Variants in RHBDD2 observed in about 807,000 individuals in gnomAD.
RHBDD2 encodes the protein rhomboid domain containing 2, also known as rhomboid domain-containing protein 2.
RHBDD2 carries 13 observed loss-of-function variants against 21.7 expected under a neutral mutation model. That is an observed-to-expected ratio of 0.60 (90% confidence interval 0.39 to 0.95). RHBDD2 has a LOEUF of 0.95. Ranked by LOEUF, RHBDD2 falls within the 40% of genes least tolerant of loss-of-function variation. The pLI is 0.00. For missense variants in RHBDD2, 473 were observed against 478.9 expected, an observed-to-expected ratio of 0.99 and a Z score of 0.11; for synonymous variants, 225 against 220.0, an observed-to-expected ratio of 1.02 and a Z score of -0.20.
rs1554541907 is a variant in RHBDD2 at position 75,879,063 on chromosome 7, G to A, written c.-20G>A. Reference sequence around the variant, plus strand: ...GACCGGCAGCCGGCGTCGAGGCGGGGCGCGGGAACGACGGCGGCCATGGCG... The same window carrying A: ...GACCGGCAGCCGGCGTCGAGGCGGGACGCGGGAACGACGGCGGCCATGGCG... On this transcript the variant is annotated 5_prime_UTR_variant, in exon 1 of 4. Coordinates refer to ENST00000006777, the MANE Select transcript of RHBDD2 (RefSeq NM_001040456.3). 1 of 1,365,886 alleles carries A rather than the reference G, an allele frequency of 7.3e-7. No individual in the cohort carries two copies. Among genetic ancestry groups the A allele is most frequent in the Non-Finnish European group, 9.5e-7 (1 of 1,055,734 alleles). 84.6% of individuals were successfully genotyped at this position (1,365,886 alleles called of 1,614,324 possible).
At chr7:75,887,869 G>GAGCAAGTCAC in intron 3 of RHBDD2, 123 bp from the exon 4 acceptor site, 1 of 830,404 alleles carries the variant, frequency 1.2e-6, no homozygotes, top group East Asian at 2.4e-5. Flanking sequence ...TTGGTACTTA[G>GAGCAAGTCAC]AGCAAGTCAC....
rs1554544597 is a variant in RHBDD2, at chr7:75,888,407, C to T, written c.*58C>T. 2 of 1,409,448 alleles carry T rather than the reference C, an allele frequency of 1.4e-6. No individual in the cohort carries two copies. The highest frequency in any genetic ancestry group is 1.2e-5 in the South Asian group (1 of 83,220). The allele number at this position is 1,409,448 out of a possible 1,614,324, so 87.3% of individuals were successfully genotyped here. ...TTCTGAAGGTCCTCCCTAAGAGTCTCCTGACAAAAGTTACTTATTGAACAC... is the reference window on the plus strand; with the variant it reads ...TTCTGAAGGTCCTCCCTAAGAGTCTTCTGACAAAAGTTACTTATTGAACAC... On this transcript the variant is annotated 3_prime_UTR_variant, in exon 4 of 4. Coordinates refer to ENST00000006777, the MANE Select transcript of RHBDD2 (RefSeq NM_001040456.3).
At position 75,888,247 on chromosome 7, in the gene RHBDD2, G is replaced by GC. The variant is rs1554544494; in HGVS notation, c.999dup (p.Thr334HisfsTer45). 1.9e-6 allele frequency: 3 copies of GC among 1,613,740 alleles called. No individual in the cohort carries two copies. The highest frequency in any genetic ancestry group is 1.7e-6 in the Non-Finnish European group (2 of 1,180,036). On this transcript the variant is annotated frameshift_variant, in exon 4 of 4. Transcript: ENST00000006777. LOFTEE classifies it low-confidence loss of function (END_TRUNC). Reference sequence around the variant, plus strand: ...CTGCGGGCACCTCCCTGGGCATCCAGCCCCCCACGCCTGTGAACAGCCCTG... The same window carrying GC: ...CTGCGGGCACCTCCCTGGGCATCCAGCCCCCCCACGCCTGTGAACAGCCCTG...
In RHBDD2 at chr7:75,888,393, C is replaced by T; in HGVS notation, c.*44C>T. 1.3e-6 allele frequency: 2 copies of T among 1,502,208 alleles called. No homozygotes were observed. Among genetic ancestry groups the T allele is most frequent in the Non-Finnish European group, 1.8e-6 (2 of 1,093,986 alleles). The allele number at this position is 1,502,208 out of a possible 1,614,324, so 93.1% of individuals were successfully genotyped here. ...CATCTCACTTGGCCTTCTGAAGGTC[C>T]TCCCTAAGAGTCTCCTGACAAAAGT... is the stretch of plus-strand genomic sequence containing the variant. On this transcript the variant is annotated 3_prime_UTR_variant, in exon 4 of 4. Coordinates refer to ENST00000006777, the MANE Select transcript of RHBDD2 (RefSeq NM_001040456.3).
Position 75,888,665 on chromosome 7 carries a change from T to C in RHBDD2, c.*316T>C. On this transcript the variant is annotated 3_prime_UTR_variant, in exon 4 of 4. Coordinates refer to ENST00000006777, the MANE Select transcript of RHBDD2 (RefSeq NM_001040456.3). ...GCAGTTGGCAGTAGCTGCCGATGTC[T>C]GTCCCCAGCTCCACCATTCCTCCCT... 1 of 361,432 alleles carries C rather than the reference T, an allele frequency of 2.8e-6. No homozygotes were observed. 22.4% of individuals were successfully genotyped at this position (361,432 alleles called of 1,614,324 possible).
chr7:75,884,263 C>T (rs1805518049), intron 3 of RHBDD2, among the ~76,000 whole-genome samples: 1 of 152,002 alleles, frequency 6.6e-6, no homozygotes, highest in South Asian at 2.1e-4. Flanking sequence ...GCCCTGTTGC[C>T]CAGGCTGGAT....
At position 75,879,289 on chromosome 7, in the gene RHBDD2, G is replaced by A. The variant is rs891846960; in HGVS notation, c.178+29G>A. The A allele has an allele frequency of 1.4e-5, 20 of 1,447,122 alleles. No individual in the cohort carries two copies. In the African/African-American group the frequency reaches 2.8e-4, roughly 20 times the overall value. The allele number at this position is 1,447,122 out of a possible 1,614,324, so 89.6% of individuals were successfully genotyped here. On this transcript the variant is annotated intron_variant, in intron 1 of 3. Transcript: ENST00000006777. Reference sequence around the variant, plus strand: ...AGCAGGGGCGGGCCGGGATCGCGGGGCGAGTCCTTGTCCTCCGACTTTGCC... The same window carrying A: ...AGCAGGGGCGGGCCGGGATCGCGGGACGAGTCCTTGTCCTCCGACTTTGCC...
intron 3 of RHBDD2, among the ~76,000 whole-genome samples, chr7:75,885,754 CAG>C (rs1297682037): frequency 2.0e-5 from 3 of 152,244 alleles, no homozygotes; most frequent in Non-Finnish European, 4.4e-5. Context: ...TACCTAAACT[CAG>C]AGGGAGAACT....
intron 3 of RHBDD2, among the ~76,000 whole-genome samples, chr7:75,887,232 G>A (rs1272918811): frequency 6.7e-6 from 1 of 149,406 alleles, no homozygotes; most frequent in Non-Finnish European, 1.5e-5. Flanking sequence ...CAAACTTCTG[G>A]GTTTAAGCAG....
chr7:75,885,803 G>A (rs1255843912), intron 3 of RHBDD2, among the ~76,000 whole-genome samples: 1 of 152,084 alleles, frequency 6.6e-6, no homozygotes, highest in East Asian at 1.9e-4. Flanking sequence ...ACTCACGCAA[G>A]GTCTGCCCCC....
At chr7:75,883,521 A>G (rs1805455021) in intron 2 of RHBDD2, 177 bp from the exon 3 acceptor site, 1 of 544,612 alleles carries the variant, frequency 1.8e-6, no homozygotes, top group Middle Eastern at 5.4e-4. Flanking sequence ...TCCATCTCAA[A>G]AAAAAAAACA....
intron 1 of RHBDD2, among the ~76,000 whole-genome samples, chr7:75,880,064 C>T (rs975522839): frequency 1.3e-5 from 2 of 152,072 alleles, no homozygotes; most frequent in African/African-American, 2.4e-5. Flanking sequence ...GGCCCGTTAT[C>T]TAGATAAGAT....
rs918050176 is a variant in RHBDD2 at position 75,888,598 on chromosome 7, G to A, written c.*249G>A. The A allele has an allele frequency of 2.6e-5, 13 of 493,242 alleles. 1 individual carries two copies. Among genetic ancestry groups the A allele is most frequent in the East Asian group, 1.3e-4 (4 of 30,788 alleles). The allele number at this position is 493,242 out of a possible 1,614,324, so 30.6% of individuals were successfully genotyped here. ...AAGTCACGTGGCTCTTTAGTAACAC[G>A]GACAAGGCTCCTCGCCAAGGAACTC... is the stretch of plus-strand genomic sequence containing the variant. On this transcript the variant is annotated 3_prime_UTR_variant, in exon 4 of 4. Coordinates refer to ENST00000006777, the MANE Select transcript of RHBDD2 (RefSeq NM_001040456.3).
Position 75,879,166 on chromosome 7 carries a change from G to A in RHBDD2, c.84G>A (p.Ser28=). The A allele has an allele frequency of 6.6e-7, 1 of 1,506,560 alleles. No individual in the cohort carries two copies. Among genetic ancestry groups the A allele is most frequent in the African/African-American group, 1.4e-5 (1 of 69,200 alleles). The allele number at this position is 1,506,560 out of a possible 1,614,324, so 93.3% of individuals were successfully genotyped here. The stretch of plus-strand genomic sequence containing the variant: ...CCACCTTCTTCACTGCGCTGCTCTC[G>A]CTGCTGGTTTCCGGGCCTCGCCTGT... ...PSATFFTALL[S]LLVSGPRLFL... Residue 28 remains serine, a synonymous_variant, in exon 1 of 4, where the codon TCG becomes TCA. Coordinates refer to ENST00000006777, the MANE Select transcript of RHBDD2 (RefSeq NM_001040456.3).
At chr7:75,887,448 G>C (rs1554544170) in intron 3 of RHBDD2, among the ~76,000 whole-genome samples, 2 of 150,832 alleles carry the variant, frequency 1.3e-5, no homozygotes, top group African/African-American at 2.4e-5. Flanking sequence ...CTTCTGAGTA[G>C]CTGGGACTAC....
At chr7:75,887,405 C>T (rs1301681406) in intron 3 of RHBDD2, among the ~76,000 whole-genome samples, 1 of 151,508 alleles carries the variant, frequency 6.6e-6, no homozygotes, top group Non-Finnish European at 1.5e-5. Flanking sequence ...GCAACCTCTG[C>T]CTCCCAGGTT....
At chr7:75,881,456 C>A (rs1563375693) in intron 1 of RHBDD2, 1 of 1,300,312 alleles carries the variant, frequency 7.7e-7, no homozygotes, top group Non-Finnish European at 1.0e-6. Context: ...GAAGCTGTTA[C>A]ACTTAATTAA....
chr7:75,887,806 C>A (rs576404985), intron 3 of RHBDD2, among the ~76,000 whole-genome samples, 186 bp from the exon 4 acceptor site: 2 of 152,232 alleles, frequency 1.3e-5, no homozygotes, highest in Non-Finnish European at 2.9e-5. Flanking sequence ...CAACTGGCCC[C>A]ACCCTCCCTG....
Position 75,879,145 on chromosome 7 carries a change from C to G in RHBDD2, c.63C>G (p.Thr21=). ...TGTGTCCCGAGGTGCCATCCGCCAC[C>G]TTCTTCACTGCGCTGCTCTCGCTGC... ...WCLCPEVPSA[T]FFTALLSLLV... is the part of the protein sequence containing the mutation. Residue 21 remains threonine, a synonymous_variant, in exon 1 of 4, where the codon ACC becomes ACG. Transcript: ENST00000006777. 6.8e-7 allele frequency: 1 copy of G among 1,465,316 alleles called. No individual in the cohort carries two copies. The highest frequency in any genetic ancestry group is 9.1e-7 in the Non-Finnish European group (1 of 1,102,002). 90.8% of individuals were successfully genotyped at this position (1,465,316 alleles called of 1,614,324 possible). A position where few individuals can be genotyped will look rare whatever the true frequency, so the allele number is the denominator to read the frequency against.
Sources: allele counts gnomAD v4.1 joint callset (sites outside exome capture counted in the v4.1 genomes callset), GRCh38; gene constraint gnomAD v4.1.1; transcripts MANE v1.5; gene names NCBI Gene and HGNC (gene_info 2026-07-23, HGNC 2026-07-21).